The following PRMT3 variants were observed in gnomAD, a reference collection of about 807,000 sequenced individuals.
The protein encoded by PRMT3 is protein arginine methyltransferase 3, also known as protein arginine N-methyltransferase 3.
A neutral mutation model predicts 71.9 loss-of-function variants in PRMT3; 62 were observed. The ratio of observed to expected loss-of-function variants is 0.86; its 90% confidence interval spans 0.70 to 1.07. The LOEUF is 1.07. Among genes scored for constraint, PRMT3 ranks in the 50% least tolerant of loss-of-function variants. The pLI, the probability that PRMT3 is intolerant of heterozygous loss-of-function variation, is 0.00. For synonymous variants in PRMT3, 213 were observed against 220.4 expected, an observed-to-expected ratio of 0.97 and a Z score of 0.30; for missense variants, 663 against 643.0, an observed-to-expected ratio of 1.03 and a Z score of -0.34.
chr11:20,473,633 T>TTTA (rs1402822985), intron 13 of PRMT3, among the ~76,000 whole-genome samples: 9 of 152,176 alleles, frequency 5.9e-5, no homozygotes, highest in African/African-American at 2.2e-4. Context: ...GGTTAACAGC[T>TTTA]CCTGTAATGT....
At position 20,493,984 on chromosome 11, in the gene PRMT3, T is replaced by G; in HGVS notation, c.1398+15T>G. The G allele has an allele frequency of 1.3e-6, 2 of 1,557,618 alleles. No homozygotes were observed. Among genetic ancestry groups the G allele is most frequent in the Non-Finnish European group, 1.8e-6 (2 of 1,134,636 alleles). On this transcript the variant is annotated intron_variant, in intron 14 of 15. Coordinates refer to ENST00000331079, the MANE Select transcript of PRMT3 (RefSeq NM_005788.4). ...GCCACAACAGGGTAAGTATCATGAA[T>G]TATCTCATAAGAATTAATTATTACA...
intron 10 of PRMT3, among the ~76,000 whole-genome samples, chr11:20,442,201 G>A (rs1203226385): frequency 6.6e-6 from 1 of 151,926 alleles, no homozygotes; most frequent in Non-Finnish European, 1.5e-5. Context: ...GAAATGTACA[G>A]TCAAAATATT....
intron 13 of PRMT3, among the ~76,000 whole-genome samples, chr11:20,491,255 C>G (rs184945481): frequency 6.6e-6 from 1 of 152,028 alleles, no homozygotes; most frequent in African/African-American, 2.4e-5. Context: ...TTTCTGTCAC[C>G]GTTGGAACAT....
At chr11:20,440,246 T>C (rs1849855216) in intron 10 of PRMT3, among the ~76,000 whole-genome samples, 1 of 151,904 alleles carries the variant, frequency 6.6e-6, no homozygotes, top group Non-Finnish European at 1.5e-5. Context: ...ATCCCAGCAG[T>C]TTGATTGGCT....
At chr11:20,421,095 C>A (rs10766673) in intron 9 of PRMT3, among the ~76,000 whole-genome samples, 1 of 152,036 alleles carries the variant, frequency 6.6e-6, no homozygotes, top group Non-Finnish European at 1.5e-5. Context: ...CTGGAGTGCA[C>A]TGGCAAGGTC....
intron 10 of PRMT3, among the ~76,000 whole-genome samples, chr11:20,447,411 G>A (rs952028326): frequency 1.3e-5 from 2 of 152,030 alleles, no homozygotes; most frequent in African/African-American, 4.8e-5. Context: ...CAATGGACAG[G>A]AAAGCCCCTA....
At chr11:20,499,039 T>C (rs978850562) in intron 15 of PRMT3, among the ~76,000 whole-genome samples, 1 of 152,210 alleles carries the variant, frequency 6.6e-6, no homozygotes, top group Non-Finnish European at 1.5e-5. Flanking sequence ...AAAAGCTTTA[T>C]TTTTTCATTT....
chr11:20,487,852 T>C (rs973010767), intron 13 of PRMT3, among the ~76,000 whole-genome samples: 1 of 152,204 alleles, frequency 6.6e-6, no homozygotes, highest in African/African-American at 2.4e-5. Context: ...ATAAGCAATT[T>C]TGAAATTACA....
At chr11:20,482,793 C>T (rs576738513) in intron 13 of PRMT3, among the ~76,000 whole-genome samples, 6 of 150,666 alleles carry the variant, frequency 4.0e-5, no homozygotes, top group Non-Finnish European at 8.9e-5. Flanking sequence ...TATGTATTAA[C>T]AGGAGGAAAT....
At chr11:20,391,476 C>T (rs1170509741) in intron 3 of PRMT3, among the ~76,000 whole-genome samples, 1 of 152,176 alleles carries the variant, frequency 6.6e-6, no homozygotes, top group Non-Finnish European at 1.5e-5. Flanking sequence ...CTCCCGACCT[C>T]AGGTGATCCG....
chr11:20,495,441 G>T lies in PRMT3; in HGVS notation c.1486+1187G>T, dbSNP rs1360023040. Among the ~76,000 whole-genome samples the T allele has an allele frequency of 3.9e-5, 6 of 152,100 alleles. No individual in the cohort carries two copies. In the East Asian group the frequency reaches 1.2e-3, roughly 29 times the overall value. The stretch of plus-strand genomic sequence containing the variant: ...GCTTGGAGGCTGAGGCAGGAGGCTT[G>T]CTTGAGTCTGCAGGGAGCTATGATG... On this transcript the variant is annotated intron_variant, in intron 15 of 15. Transcript: ENST00000331079.
chr11:20,459,053 A>G (rs1401111936), intron 11 of PRMT3, among the ~76,000 whole-genome samples: 2 of 152,154 alleles, frequency 1.3e-5, no homozygotes, highest in Non-Finnish European at 2.9e-5. Flanking sequence ...CTCTGTCCCA[A>G]CTATTCAACT....
In PRMT3 at chr11:20,493,929, G is replaced by A; in HGVS notation, c.1358G>A (p.Gly453Asp). 6.3e-7 allele frequency: 1 copy of A among 1,586,420 alleles called. No homozygotes were observed. Among genetic ancestry groups the A allele is most frequent in the Non-Finnish European group, 8.6e-7 (1 of 1,160,828 alleles). Residue 453 changes from glycine (G) to aspartate (D), a missense_variant, in exon 14 of 16, where the codon GGC becomes GAC. Coordinates refer to ENST00000331079, the MANE Select transcript of PRMT3 (RefSeq NM_005788.4). The part of the protein sequence containing the change: ...TRTSMCTAIA[G>D]YFDIYFEKNC... Reference sequence around the variant, plus strand: ...TTTTTTAAAAAACAGGCAATTGCTGGCTACTTTGATATATATTTTGAGAAG... The same window carrying A: ...TTTTTTAAAAAACAGGCAATTGCTGACTACTTTGATATATATTTTGAGAAG...
chr11:20,412,153 A>T (rs1247510118), intron 9 of PRMT3, among the ~76,000 whole-genome samples: 1 of 152,078 alleles, frequency 6.6e-6, no homozygotes, highest in Non-Finnish European at 1.5e-5. Context: ...TTCTTTTCAG[A>T]TGGAAACTAT....
chr11:20,468,360 T>TTTTG (rs368648367), intron 13 of PRMT3, among the ~76,000 whole-genome samples: 172 of 152,158 alleles, frequency 1.1e-3, no homozygotes, highest in African/African-American at 2.9e-3. Context: ...GTGGTTTTTG[T>TTTTG]TTTGTTTGTT....
intron 13 of PRMT3, among the ~76,000 whole-genome samples, chr11:20,466,931 T>G (rs975842288): frequency 6.6e-6 from 1 of 152,238 alleles, no homozygotes; most frequent in Non-Finnish European, 1.5e-5. Flanking sequence ...ACATTATATC[T>G]ATAAAGTACC....
At chr11:20,459,803 C>T (rs1850343037) in intron 11 of PRMT3, among the ~76,000 whole-genome samples, 1 of 152,208 alleles carries the variant, frequency 6.6e-6, no homozygotes, top group South Asian at 2.1e-4. Context: ...AAACTAAATA[C>T]ACTTCCTTAT....
At chr11:20,435,599 T>C (rs1434914652) in intron 10 of PRMT3, among the ~76,000 whole-genome samples, 1 of 152,216 alleles carries the variant, frequency 6.6e-6, no homozygotes, top group Non-Finnish European at 1.5e-5. Context: ...GAAGAGACTG[T>C]CCCTTCTCCA....
Position 20,389,750 on chromosome 11 carries a change from C to A in PRMT3, c.171C>A (p.Phe57Leu). 1 of 1,607,284 alleles carries A rather than the reference C, an allele frequency of 6.2e-7. No homozygotes were observed. Among genetic ancestry groups the A allele is most frequent in the Non-Finnish European group, 8.5e-7 (1 of 1,174,774 alleles). The part of the protein sequence containing the change: ...QTPCLFCNRL[F>L]TSAEETFSHC... ...CTATTGCTTGATTTTTCAGGTTATT[C>A]ACATCTGCTGAAGAAACATTTTCAC... Residue 57 changes from phenylalanine (F) to leucine (L), a missense_variant, in exon 3 of 16, where the codon TTC becomes TTA. Physicochemically the swap from Phe to Leu is conservative, Grantham distance 22. Coordinates refer to ENST00000331079, the MANE Select transcript of PRMT3 (RefSeq NM_005788.4).
Sources: allele counts gnomAD v4.1 joint callset (sites outside exome capture counted in the v4.1 genomes callset), GRCh38; gene constraint gnomAD v4.1.1; transcripts MANE v1.5; gene names NCBI Gene and HGNC (gene_info 2026-07-23, HGNC 2026-07-21).